ASCC3: variants seen among roughly 807,000 people sequenced by gnomAD.
ASCC3 encodes ASC-1 complex subunit P200.
ASCC3 carries 158 observed loss-of-function variants against 256.3 expected under a neutral mutation model. The observed-to-expected ratio is 0.62, with a 90% confidence interval of 0.54 to 0.70. The LOEUF (loss-of-function observed/expected upper bound fraction) is 0.70, where lower values mean the gene tolerates loss of function less well. Among genes scored for constraint, ASCC3 ranks in the 30% least tolerant of loss-of-function variants. The probability of loss-of-function intolerance (pLI) is 0.00; values close to 1 mark genes in which losing one functional copy is unlikely to be tolerated. For synonymous variants in ASCC3, 948 were observed against 883.4 expected, an observed-to-expected ratio of 1.07 and a Z score of -1.30; for missense variants, 2,259 against 2,626.0, an observed-to-expected ratio of 0.86 and a Z score of 3.05.
chr6:100,661,763 A>G (rs1403058120), intron 16 of ASCC3, 43 bp downstream of exon 16: 2 of 1,579,796 alleles, frequency 1.3e-6, no homozygotes, highest in Non-Finnish European at 1.7e-6. Flanking sequence ...GTCATTCTTA[A>G]GGCTGATGAT....
At chr6:100,862,666 T>C (rs773235633) in intron 3 of ASCC3, among the ~76,000 whole-genome samples, 2 of 152,198 alleles carry the variant, frequency 1.3e-5, no homozygotes, top group African/African-American at 2.4e-5. Flanking sequence ...TTGTGGGTTC[T>C]AGTATAAGCA....
Position 100,540,430 on chromosome 6 carries a change from A to G in ASCC3, c.5551-43T>C, listed in dbSNP as rs1460358004. ...CCCCACATTGTTGGATCAAAGTATA[A>G]TAATTAATGTACTTCTTAGCTTTAC... On this transcript the variant is annotated intron_variant, in intron 36 of 41. Transcript: ENST00000369162. 1.0e-5 allele frequency: 15 copies of G among 1,467,902 alleles called. No homozygotes were observed. In the South Asian group the frequency reaches 1.7e-4, roughly 17 times the overall value. 90.9% of individuals were successfully genotyped at this position (1,467,902 alleles called of 1,614,324 possible). A position where few individuals can be genotyped will look rare whatever the true frequency, so the allele number is the denominator to read the frequency against.
chr6:100,586,488 C>T (rs531683961), intron 36 of ASCC3, among the ~76,000 whole-genome samples: 33 of 152,200 alleles, frequency 2.2e-4, no homozygotes, highest in African/African-American at 8.0e-4. Context: ...CCGTCTGTCA[C>T]CCCTTTCTTT....
intron 36 of ASCC3, among the ~76,000 whole-genome samples, chr6:100,556,329 T>A (rs1769571873): frequency 1.3e-5 from 2 of 152,126 alleles, no homozygotes; most frequent in South Asian, 4.1e-4. Flanking sequence ...ACAGGCACAA[T>A]TGCCAAATAA....
At chr6:100,784,221 TAATA>T (rs759754422) in intron 8 of ASCC3, among the ~76,000 whole-genome samples, 20 of 152,162 alleles carry the variant, frequency 1.3e-4, no homozygotes, top group Non-Finnish European at 1.9e-4. Context: ...CTGACTTCCC[TAATA>T]AATAAATGCA....
At chr6:100,636,895 T>C (rs1349407297) in intron 25 of ASCC3, among the ~76,000 whole-genome samples, 2 of 152,172 alleles carry the variant, frequency 1.3e-5, no homozygotes, top group African/African-American at 4.8e-5. Context: ...AAGAAAAGTT[T>C]GAAGCTTGTT....
chr6:100,608,142 ATATC>A (rs1448772667), intron 30 of ASCC3, among the ~76,000 whole-genome samples: 1 of 126,914 alleles, frequency 7.9e-6, no homozygotes, highest in East Asian at 2.3e-4. Flanking sequence ...ATATGTATAT[ATATC>A]TATATATACA....
At chr6:100,680,040 T>TACATGAC (rs1241479526) in intron 13 of ASCC3, among the ~76,000 whole-genome samples, 3 of 152,200 alleles carry the variant, frequency 2.0e-5, no homozygotes, top group African/African-American at 7.2e-5. Flanking sequence ...TAGTCATGTA[T>TACATGAC]TATAGAGACA....
chr6:100,613,462 G>A (rs1421254814), intron 30 of ASCC3, among the ~76,000 whole-genome samples: 2 of 151,962 alleles, frequency 1.3e-5, no homozygotes, highest in Non-Finnish European at 2.9e-5. Flanking sequence ...CATCCATGCT[G>A]ATGCAAAAGA....
In ASCC3 at chr6:100,642,666, C is replaced by T. The variant is rs1775185690; in HGVS notation, c.3816G>A (p.Val1272=). The T allele has an allele frequency of 6.2e-7, 1 of 1,613,950 alleles. No individual in the cohort carries two copies. Among genetic ancestry groups the T allele is most frequent in the Non-Finnish European group, 8.5e-7 (1 of 1,179,866 alleles). The part of the protein sequence containing the change: ...PLPSQYYIRA[V]SDRWLGAEAV... ...CCTCAGCACCCAACCATCTATCAGA[C>T]ACTGCTCGGATGTAGTATTGGGAAG... is the stretch of plus-strand genomic sequence containing the variant. Residue 1272 remains valine (V), a synonymous_variant, in exon 24 of 42, where the codon GTG becomes GTA. Coordinates refer to ENST00000369162, the MANE Select transcript of ASCC3 (RefSeq NM_006828.4).
chr6:100,858,280 T>C, intron 3 of ASCC3: 3 of 526,346 alleles, frequency 5.7e-6, no homozygotes, highest in Non-Finnish European at 7.3e-6. Flanking sequence ...ATGTGAAAAA[T>C]GGAAAAGTTT....
At chr6:100,713,363 GA>G (rs972181820) in intron 13 of ASCC3, among the ~76,000 whole-genome samples, 1 of 151,948 alleles carries the variant, frequency 6.6e-6, no homozygotes, top group Admixed American at 6.6e-5. Flanking sequence ...AGATGTTCCA[GA>G]AAAAAACAAA....
intron 30 of ASCC3, among the ~76,000 whole-genome samples, chr6:100,622,810 G>A (rs192573219): frequency 6.6e-5 from 10 of 151,778 alleles, no homozygotes; most frequent in East Asian, 5.8e-4. Context: ...GTTTTCTGCC[G>A]ATAAAAAAAA....
chr6:100,613,079 T>C (rs1445563069), intron 30 of ASCC3, among the ~76,000 whole-genome samples: 1 of 151,722 alleles, frequency 6.6e-6, no homozygotes, highest in East Asian at 1.9e-4. Context: ...TCTTTTTTTT[T>C]TCAGGAAAGC....
At chr6:100,519,289 C>T (rs1562089074) in intron 37 of ASCC3, among the ~76,000 whole-genome samples, 1 of 152,010 alleles carries the variant, frequency 6.6e-6, no homozygotes, top group Non-Finnish European at 1.5e-5. Context: ...CATGTGATGG[C>T]ATGGTCAAAT....
At chr6:100,567,926 G>A (rs574563858) in intron 36 of ASCC3, among the ~76,000 whole-genome samples, 8 of 152,206 alleles carry the variant, frequency 5.3e-5, no homozygotes, top group East Asian at 3.9e-4. Context: ...GGATTGCTGC[G>A]TTGTATAGTA....
At chr6:100,875,422 C>T (rs529728390) in intron 1 of ASCC3, among the ~76,000 whole-genome samples, 1 of 152,262 alleles carries the variant, frequency 6.6e-6, no homozygotes, top group Admixed American at 6.5e-5. Context: ...TATCAGAGGT[C>T]TGGGCTGGAA....
At chr6:100,817,764 G>C (rs1234044845) in intron 4 of ASCC3, among the ~76,000 whole-genome samples, 2 of 151,956 alleles carry the variant, frequency 1.3e-5, no homozygotes, top group East Asian at 3.9e-4. Flanking sequence ...ACAAGTAAAA[G>C]ATTGAATTAG....
At chr6:100,578,328 T>G (rs552531821) in intron 36 of ASCC3, among the ~76,000 whole-genome samples, 3 of 152,150 alleles carry the variant, frequency 2.0e-5, no homozygotes, top group African/African-American at 7.2e-5. Context: ...GTAAATTGTG[T>G]GTTGTGGTGG....
Sources: gnomAD v4.1 joint callset for allele counts (sites outside exome capture counted in the v4.1 genomes callset) on GRCh38, gnomAD v4.1.1 for gene constraint, MANE v1.5 for transcripts, NCBI Gene and HGNC (gene_info 2026-07-23, HGNC 2026-07-21) for gene names.